The following ZNF362 variants were observed in gnomAD, a reference collection of about 807,000 sequenced individuals.
ZNF362 encodes zinc finger protein 362, also known as rotund homolog.
A neutral mutation model predicts 42.9 loss-of-function variants in ZNF362; 11 were observed. The observed-to-expected ratio is 0.26, with a 90% confidence interval of 0.16 to 0.42. The LOEUF (loss-of-function observed/expected upper bound fraction) is 0.42. Ranked by LOEUF, ZNF362 falls within the 20% of genes least tolerant of loss-of-function variation. The probability of loss-of-function intolerance (pLI) is 1.00; values close to 1 mark genes in which losing one functional copy is unlikely to be tolerated. For missense variants in ZNF362, 362 were observed against 576.2 expected (o/e 0.63, Z 3.81); for synonymous variants, 255 against 257.3 (o/e 0.99, Z 0.09).
chr1:33,131,772 A>G, the ZNF362 span, among the ~76,000 whole-genome samples: 6 of 152,230 alleles, frequency 3.9e-5, no homozygotes, highest in African/African-American at 1.4e-4. Context: ...AAAATTATCT[A>G]TTAAATATAC....
chr1:33,176,685 C>G, the ZNF362 span: 12 of 410,380 alleles, frequency 2.9e-5, no homozygotes, highest in African/African-American at 2.2e-4. Context: ...GACAATTACC[C>G]AGCCCTCAGA....
At chr1:33,168,852 G>A in the ZNF362 span, among the ~76,000 whole-genome samples, 1 of 152,184 alleles carries the variant, frequency 6.6e-6, no homozygotes, top group African/African-American at 2.4e-5. Flanking sequence ...GCCCCCATGG[G>A]TCCACAGAAG....
At chr1:33,202,317 C>T in the ZNF362 span, among the ~76,000 whole-genome samples, 56 of 152,180 alleles carry the variant, frequency 3.7e-4, no homozygotes, top group Non-Finnish European at 5.4e-4. Context: ...CTGTATCAGG[C>T]CGGGCGTGGT....
chr1:33,295,335 C>CGG (rs1330143656), intron 8 of ZNF362, 30 bp downstream of exon 8: 1 of 1,605,432 alleles, frequency 6.2e-7, no homozygotes, highest in Admixed American at 1.7e-5. Context: ...TGCCCTGCCC[C>CGG]GGGGGAGCCA....
At chr1:33,174,037 A>G in the ZNF362 span, among the ~76,000 whole-genome samples, 1 of 152,176 alleles carries the variant, frequency 6.6e-6, no homozygotes, top group Non-Finnish European at 1.5e-5. Flanking sequence ...GAGGTAAAAT[A>G]TACATATATA....
the ZNF362 span, chr1:33,176,497 AG>A: frequency 2.9e-6 from 2 of 679,842 alleles, no homozygotes; most frequent in Non-Finnish European, 5.4e-6. Context: ...TGAGGCCTGG[AG>A]GGGGCGGCTG....
At chr1:33,191,101 G>A in the ZNF362 span, among the ~76,000 whole-genome samples, 24 of 152,168 alleles carry the variant, frequency 1.6e-4, no homozygotes, top group African/African-American at 4.1e-4. Flanking sequence ...TTCACCAGCC[G>A]TGGGCATGGT....
At chr1:33,224,834 A>C in the ZNF362 span, among the ~76,000 whole-genome samples, 1 of 152,234 alleles carries the variant, frequency 6.6e-6, no homozygotes, top group Non-Finnish European at 1.5e-5. Context: ...GAATACGAAG[A>C]AAACCATATT....
At chr1:33,220,585 C>T in the ZNF362 span, among the ~76,000 whole-genome samples, 3 of 152,146 alleles carry the variant, frequency 2.0e-5, no homozygotes, top group Admixed American at 6.5e-5. Context: ...GGTGTGGAGG[C>T]GCCATCTGTG....
chr1:33,167,302 C>T, the ZNF362 span, among the ~76,000 whole-genome samples: 1 of 152,226 alleles, frequency 6.6e-6, no homozygotes, highest in Non-Finnish European at 1.5e-5. The surrounding 1 kb of genome is among the most constrained non-coding windows in gnomAD (Gnocchi z 4.2). Context: ...TATCTCCTCA[C>T]TAGAATGTGA....
At chr1:33,175,121 C>T in the ZNF362 span, among the ~76,000 whole-genome samples, 1 of 151,714 alleles carries the variant, frequency 6.6e-6, no homozygotes, top group Non-Finnish European at 1.5e-5. Flanking sequence ...CTCACTGCAA[C>T]CTCTGCCTCC....
chr1:33,152,482 G>A, the ZNF362 span, among the ~76,000 whole-genome samples: 3,542 of 151,792 alleles, frequency 0.023, 111 homozygotes, highest in African/African-American at 0.08. Flanking sequence ...CAGGAGAATC[G>A]CTTGAATCTG....
the ZNF362 span, among the ~76,000 whole-genome samples, chr1:33,214,729 T>C: frequency 6.6e-6 from 1 of 152,160 alleles, no homozygotes; most frequent in Admixed American, 6.6e-5. Context: ...AAATGATTGA[T>C]AGGTGTTTGA....
At chr1:33,209,148 A>C in the ZNF362 span, among the ~76,000 whole-genome samples, 1 of 152,148 alleles carries the variant, frequency 6.6e-6, no homozygotes, top group African/African-American at 2.4e-5. Flanking sequence ...GAATTTTGTC[A>C]AAGGCCTTTT....
At chr1:33,226,200 T>C in the ZNF362 span, among the ~76,000 whole-genome samples, 1 of 152,174 alleles carries the variant, frequency 6.6e-6, no homozygotes, top group East Asian at 1.9e-4. Flanking sequence ...CTTCACAGCC[T>C]TGAGCTCATT....
the ZNF362 span, among the ~76,000 whole-genome samples, chr1:33,197,745 G>T: frequency 6.6e-6 from 1 of 152,148 alleles, no homozygotes; most frequent in African/African-American, 2.4e-5. Context: ...GCTAGAGTTT[G>T]CCGGGCAGAG....
chr1:33,232,726 C>A, the ZNF362 span, among the ~76,000 whole-genome samples: 3 of 152,148 alleles, frequency 2.0e-5, no homozygotes, highest in South Asian at 2.1e-4. Context: ...AACTTATACT[C>A]TTGTTATTAT....
the ZNF362 span, among the ~76,000 whole-genome samples, chr1:33,161,469 T>A: frequency 6.6e-6 from 1 of 151,842 alleles, no homozygotes; most frequent in South Asian, 2.1e-4. This position sits in a 1 kb window ranked among gnomAD's most constrained non-coding sequence, Gnocchi z 4.3. Flanking sequence ...TGTGGGAGGC[T>A]CTACAAAGGC....
chr1:33,277,866 G>A (rs1432382091), intron 4 of ZNF362, among the ~76,000 whole-genome samples: 1 of 152,120 alleles, frequency 6.6e-6, no homozygotes, highest in Non-Finnish European at 1.5e-5. Context: ...GCCACCGGAG[G>A]CCTCCTCGGA....
Sources: gnomAD v4.1 joint callset for allele counts (sites outside exome capture counted in the v4.1 genomes callset) on GRCh38, gnomAD v4.1.1 for gene constraint, Gnocchi (gnomAD v3.1) non-coding constraint, MANE v1.5 for transcripts, NCBI Gene and HGNC (gene_info 2026-07-23, HGNC 2026-07-21) for gene names.